PRRC2C: variants seen among roughly 807,000 people sequenced by gnomAD.
The protein encoded by PRRC2C is protein PRRC2C.
In PRRC2C, 72 loss-of-function variants were observed where a neutral mutation model predicts 317.2. The observed-to-expected ratio is 0.23, with a 90% CI of 0.19 to 0.28. PRRC2C has a LOEUF of 0.28. Ranked by LOEUF, PRRC2C falls within the 10% of genes least tolerant of loss-of-function variation. PRRC2C has a pLI of 1.00. For synonymous variants in PRRC2C, 1,296 were observed against 1,205.9 expected (o/e 1.07, Z -1.55); for missense variants, 3,074 against 3,459.7 (o/e 0.89, Z 2.80).
At chr1:171,586,304 T>G (rs1649966819) in intron 30 of PRRC2C, among the ~76,000 whole-genome samples, 1 of 151,064 alleles carries the variant, frequency 6.6e-6, no homozygotes, top group African/African-American at 2.4e-5. Flanking sequence ...TTGGCCAGGC[T>G]GGTCTCAAAC....
Position 171,512,916 on chromosome 1 carries a change from T to C in PRRC2C, c.113-79T>C, listed in dbSNP as rs536816756. 6.2e-6 allele frequency: 8 copies of C among 1,299,376 alleles called. No individual in the cohort carries two copies. The East Asian group carries it at 7.2e-5, about 12-fold the overall frequency. 80.5% of individuals were successfully genotyped at this position (1,299,376 alleles called of 1,614,324 possible). On this transcript the variant is annotated intron_variant, in intron 2 of 34. Coordinates refer to ENST00000647382, the MANE Select transcript of PRRC2C (RefSeq NM_001387844.1). ...CATTCAGGGATTGCATTAATTCCTATTGTTTTTCTATATTGTTTGAGGAAT... is the reference window on the plus strand; with the variant it reads ...CATTCAGGGATTGCATTAATTCCTACTGTTTTTCTATATTGTTTGAGGAAT...
rs769744329 is a variant in PRRC2C at position 171,566,666 on chromosome 1, T to C, written c.6381T>C (p.Asn2127=). The C allele has an allele frequency of 3.7e-6, 6 of 1,610,870 alleles. No individual in the cohort carries two copies. Among genetic ancestry groups the C allele is most frequent in the Non-Finnish European group, 4.2e-6 (5 of 1,178,442 alleles). Residue 2127 remains asparagine, a synonymous_variant, in exon 22 of 35, where the codon AAT becomes AAC. Transcript: ENST00000647382. Reference sequence around the variant, plus strand: ...TTGGAAAGGAACGTTCATTAAAAAATAGAAAAGTAAAAGATGCCCAACAGG... The same window carrying C: ...TTGGAAAGGAACGTTCATTAAAAAACAGAAAAGTAAAAGATGCCCAACAGG... ...GPIGKERSLK[N]RKVKDAQQVE... is the part of the protein sequence containing the mutation.
intron 15 of PRRC2C, among the ~76,000 whole-genome samples, chr1:171,537,683 G>A (rs1448431073): frequency 6.6e-6 from 1 of 152,074 alleles, no homozygotes; most frequent in Non-Finnish European, 1.5e-5. Flanking sequence ...ATTGTATGCT[G>A]TAATTTAGTA....
Position 171,579,973 on chromosome 1 carries a change from T to C in PRRC2C, c.7409+9T>C. ...TCACTTCAACCATATAGGTAAATGCTTTAAAAGTTATGTTTGTAATGATGT... is the reference window on the plus strand; with the variant it reads ...TCACTTCAACCATATAGGTAAATGCCTTAAAAGTTATGTTTGTAATGATGT... On this transcript the variant is annotated intron_variant, in intron 28 of 34. Coordinates refer to ENST00000647382, the MANE Select transcript of PRRC2C (RefSeq NM_001387844.1). The C allele has an allele frequency of 6.7e-7, 1 of 1,501,060 alleles. No homozygotes were observed. The highest frequency in any genetic ancestry group is 8.9e-7 in the Non-Finnish European group (1 of 1,125,806). 93.0% of individuals were successfully genotyped at this position (1,501,060 alleles called of 1,614,324 possible).
At chr1:171,506,859 GTC>G (rs1415350585) in intron 1 of PRRC2C, among the ~76,000 whole-genome samples, 1 of 151,792 alleles carries the variant, frequency 6.6e-6, no homozygotes. Flanking sequence ...TGTCTTTTGT[GTC>G]TCTATTTGTA....
chr1:171,491,343 G>C lies in PRRC2C; in HGVS notation c.-58+5608G>C, dbSNP rs183851822. On this transcript the variant is annotated intron_variant, in intron 1 of 34. Coordinates refer to ENST00000647382, the MANE Select transcript of PRRC2C (RefSeq NM_001387844.1). ...GCTTGTATACTGCCCAAAGATGCTG[G>C]ACTGAAGGAAGCAACAAGTCAGCCT... 1.0e-3 allele frequency among the ~76,000 whole-genome samples: 153 copies of C among 152,290 alleles called. No homozygotes were observed. In the Middle Eastern group the frequency reaches 0.01, roughly 10 times the overall value.
At chr1:171,583,887 A>G (rs752631383) in intron 28 of PRRC2C, 69 bp from the exon 29 acceptor site, 3 of 1,359,796 alleles carry the variant, frequency 2.2e-6, no homozygotes, top group Non-Finnish European at 3.1e-6. Context: ...TGGGATTTGC[A>G]TTCTTAAGAT....
chr1:171,573,673 CTTTTTTT>C (rs1024285954), intron 24 of PRRC2C, among the ~76,000 whole-genome samples: 1 of 85,814 alleles, frequency 1.2e-5, no homozygotes, highest in African/African-American at 4.7e-5. Context: ...TCTCAAAATT[CTTTTTTT>C]TTTTTTTTTT....
Position 171,557,362 on chromosome 1 carries a change from T to G in PRRC2C, c.5250T>G (p.Pro1750=). The G allele has an allele frequency of 3.9e-6, 6 of 1,551,834 alleles. No homozygotes were observed. The highest frequency in any genetic ancestry group is 5.2e-6 in the Non-Finnish European group (6 of 1,147,008). Residue 1750 remains proline, a synonymous_variant, in exon 19 of 35, where the codon CCT becomes CCG. Transcript: ENST00000647382. ...CACAGTCTTCAGCCTCAGTTCCACCTCTAGCTTCGGCTCCACTTCCACCTT... is the reference window on the plus strand; with the variant it reads ...CACAGTCTTCAGCCTCAGTTCCACCGCTAGCTTCGGCTCCACTTCCACCTT... ...QQAQSSASVP[P]LASAPLPPST... is the part of the protein sequence containing the mutation.
intron 1 of PRRC2C, among the ~76,000 whole-genome samples, chr1:171,499,545 C>G (rs1571591959): frequency 6.6e-6 from 1 of 152,244 alleles, no homozygotes; most frequent in East Asian, 1.9e-4. Flanking sequence ...AATCTCAGCA[C>G]TTTGGGATTA....
chr1:171,523,851 C>T (rs1379565523), intron 9 of PRRC2C, among the ~76,000 whole-genome samples: 2 of 152,072 alleles, frequency 1.3e-5, no homozygotes, highest in African/African-American at 4.8e-5. Context: ...GCTTGGCCAA[C>T]ATGGTGAAAC....
chr1:171,532,447 A>G lies in PRRC2C; in HGVS notation c.1359A>G (p.Gln453=), dbSNP rs1676054394. The change falls in exon 12 of 35, where the codon CAA becomes CAG. Residue 453 remains glutamine, a synonymous_variant. Coordinates refer to ENST00000647382, the MANE Select transcript of PRRC2C (RefSeq NM_001387844.1). ...AAATATGGAAGCAAAGACGAAGACAACAATCAGAAATTTCTGCAGCAGTAG... is the reference window on the plus strand; with the variant it reads ...AAATATGGAAGCAAAGACGAAGACAGCAATCAGAAATTTCTGCAGCAGTAG... The part of the protein sequence containing the change: ...EDEIWKQRRR[Q]QSEISAAVER... 6 of 1,613,804 alleles carry G rather than the reference A, an allele frequency of 3.7e-6. No homozygotes were observed. The highest frequency in any genetic ancestry group is 1.1e-5 in the South Asian group (1 of 91,028).
rs148028831 is a variant in PRRC2C at position 171,517,762 on chromosome 1, A to G, written c.698A>G (p.Asn233Ser). Residue 233 changes from asparagine (N) to serine (S), a missense_variant, in exon 6 of 35, where the codon AAT (asparagine) becomes AGT (serine). Transcript: ENST00000647382. ...IACGPPQAKL[N>S]GQQAALASQY... ...TGTGGTCCTCCACAGGCTAAACTGA[A>G]TGGACAGCAGGCTGCTCTCGCTTCC... The G allele has an allele frequency of 1.2e-6, 2 of 1,613,676 alleles. No individual in the cohort carries two copies. The highest frequency in any genetic ancestry group is 2.7e-5 in the African/African-American group (2 of 74,878).
chr1:171,499,786 A>C (rs1479271016), intron 1 of PRRC2C, among the ~76,000 whole-genome samples: 1 of 152,216 alleles, frequency 6.6e-6, no homozygotes, highest in African/African-American at 2.4e-5. Flanking sequence ...CCTGGGCGAC[A>C]AAGTGGGACT....
Position 171,568,313 on chromosome 1 carries a change from A to G in PRRC2C, c.6625A>G (p.Lys2209Glu). 6.2e-7 allele frequency: 1 copy of G among 1,606,348 alleles called. No homozygotes were observed. Among genetic ancestry groups the G allele is most frequent in the Non-Finnish European group, 8.5e-7 (1 of 1,175,830 alleles). The change falls in exon 23 of 35, where the codon AAG becomes GAG. Residue 2209 changes from lysine (K) to glutamate (E), a missense_variant. Physicochemically the swap from Lys to Glu is moderately conservative, Grantham distance 56 (BLOSUM62 1). Around this residue, in one of 11 missense-constraint regions of PRRC2C, gnomAD observed 640 missense variants for 676.1 expected, o/e 0.95. Coordinates refer to ENST00000647382, the MANE Select transcript of PRRC2C (RefSeq NM_001387844.1). Reference sequence around the variant, plus strand: ...TAACACCGTGGCTACTAATAATACAAAGATGGAGGATACTTTGGTTAATAA... The same window carrying G: ...TAACACCGTGGCTACTAATAATACAGAGATGGAGGATACTTTGGTTAATAA... ...LPNTVATNNT[K>E]MEDTLVNNVP...
At position 171,541,636 on chromosome 1, in the gene PRRC2C, A is replaced by G; in HGVS notation, c.4170A>G (p.Gly1390=). 1 of 1,613,814 alleles carries G rather than the reference A, an allele frequency of 6.2e-7. No individual in the cohort carries two copies. Among genetic ancestry groups the G allele is most frequent in the Non-Finnish European group, 8.5e-7 (1 of 1,179,868 alleles). The change falls in exon 16 of 35, where the codon GGA becomes GGG. Residue 1390 remains glycine (G), a synonymous_variant. Coordinates refer to ENST00000647382, the MANE Select transcript of PRRC2C (RefSeq NM_001387844.1). The surrounding 1 kb of genome is among the most constrained non-coding windows in gnomAD (Gnocchi z 4.1). ...RQSEVPKPED[G]EPPRRHEQFI... is the part of the protein sequence containing the mutation. ...CAGAAGTTCCTAAACCAGAAGATGG[A>G]GAGCCGCCAAGAAGACATGAGCAGT...
chr1:171,545,618 A>C lies in PRRC2C; in HGVS notation c.4903A>C (p.Lys1635Gln). ...DSTGKKREDPKPGPKKPKEKV... is the reference protein window; with the variant it reads ...DSTGKKREDPQPGPKKPKEKV... ...TACTGGGAAAAAAAGAGAAGACCCC[A>C]AACCAGGCCCTAAAAAACCAAAAGA... The change falls in exon 17 of 35, where the codon AAA becomes CAA. Residue 1635 changes from lysine to glutamine, a missense_variant. Coordinates refer to ENST00000647382, the MANE Select transcript of PRRC2C (RefSeq NM_001387844.1). 2 of 1,613,038 alleles carry C rather than the reference A, an allele frequency of 1.2e-6. No individual in the cohort carries two copies. The highest frequency in any genetic ancestry group is 1.7e-6 in the Non-Finnish European group (2 of 1,179,498).
intron 1 of PRRC2C, chr1:171,509,932 A>G (rs1671001760): frequency 7.2e-6 from 1 of 138,054 alleles, no homozygotes; most frequent in African/African-American, 2.8e-5. Context: ...GCTCACTGCA[A>G]CCTCCACCTT....
At chr1:171,504,059 G>A (rs545282357) in intron 1 of PRRC2C, among the ~76,000 whole-genome samples, 1 of 152,244 alleles carries the variant, frequency 6.6e-6, no homozygotes, top group East Asian at 1.9e-4. Flanking sequence ...TGGGGACAGA[G>A]CCAAACCATA....
Sources: gnomAD v4.1 joint callset for allele counts (sites outside exome capture counted in the v4.1 genomes callset) on GRCh38, gnomAD v4.1.1 for gene constraint, gnomAD v4.1.1 regional missense constraint, Gnocchi (gnomAD v3.1) non-coding constraint, MANE v1.5 for transcripts, NCBI Gene and HGNC (gene_info 2026-07-23, HGNC 2026-07-21) for gene names.